CNTNAP2: variants seen among roughly 807,000 people sequenced by gnomAD.
CNTNAP2 encodes the protein contactin-associated protein-like 2.
Under a neutral mutation model 155.2 loss-of-function variants are expected in CNTNAP2, and 98 were observed. The ratio of observed to expected loss-of-function variants is 0.63; its 90% CI spans 0.54 to 0.75. CNTNAP2 has a LOEUF of 0.75. Ranked by LOEUF, CNTNAP2 falls within the 30% of genes least tolerant of loss-of-function variation. The probability of loss-of-function intolerance (pLI) is 0.00; values close to 1 mark genes in which losing one functional copy is unlikely to be tolerated. For synonymous variants in CNTNAP2, 651 were observed against 631.2 expected (o/e 1.03, Z -0.47); for missense variants, 1,727 against 1,688.1 (o/e 1.02, Z -0.40).
chr7:146,385,800 T>A (rs538431422), intron 1 of CNTNAP2, among the ~76,000 whole-genome samples: 2 of 152,318 alleles, frequency 1.3e-5, no homozygotes, highest in African/African-American at 4.8e-5. Flanking sequence ...ATGCTTACAG[T>A]AATGGGTTGT....
intron 3 of CNTNAP2, among the ~76,000 whole-genome samples, chr7:146,954,544 T>C (rs1797393222): frequency 6.6e-6 from 1 of 151,984 alleles, no homozygotes; most frequent in Non-Finnish European, 1.5e-5. Context: ...AGATTTCAAC[T>C]ATTGGAGCAG....
At chr7:146,461,041 A>G (rs1168758717) in intron 1 of CNTNAP2, among the ~76,000 whole-genome samples, 1 of 152,206 alleles carries the variant, frequency 6.6e-6, no homozygotes, top group African/African-American at 2.4e-5. Flanking sequence ...TAATCATTTC[A>G]CAATGTACAC....
At chr7:146,711,282 A>G (rs1314036665) in intron 1 of CNTNAP2, among the ~76,000 whole-genome samples, 1 of 146,874 alleles carries the variant, frequency 6.8e-6, no homozygotes, top group African/African-American at 2.5e-5. Context: ...TATATAATAG[A>G]AAACATAAAC....
At chr7:148,139,038 T>C (rs953454374) in intron 16 of CNTNAP2, among the ~76,000 whole-genome samples, 1 of 152,208 alleles carries the variant, frequency 6.6e-6, no homozygotes, top group African/African-American at 2.4e-5. Flanking sequence ...TGGATGTCTT[T>C]GTTTGTGAAG....
At chr7:147,081,047 G>C (rs944701826) in intron 4 of CNTNAP2, 11 of 151,996 alleles carry the variant, frequency 7.2e-5, no homozygotes, top group African/African-American at 2.7e-4. Context: ...TCCTGATCCT[G>C]TCTTAAGGAG....
intron 8 of CNTNAP2, among the ~76,000 whole-genome samples, chr7:147,231,140 G>C (rs1803672283): frequency 6.6e-6 from 1 of 152,208 alleles, no homozygotes; most frequent in Admixed American, 6.5e-5. Flanking sequence ...AATGAGAAAA[G>C]CATGGGGGAT....
At chr7:146,331,075 C>T (rs1017068139) in intron 1 of CNTNAP2, among the ~76,000 whole-genome samples, 5 of 152,076 alleles carry the variant, frequency 3.3e-5, no homozygotes, top group African/African-American at 7.2e-5. Context: ...GAGGCCGAGT[C>T]GGGCGGATCA....
At chr7:146,905,377 A>T (rs752082303) in intron 3 of CNTNAP2, among the ~76,000 whole-genome samples, 4 of 152,012 alleles carry the variant, frequency 2.6e-5, no homozygotes, top group Non-Finnish European at 4.4e-5. Context: ...CCACATTCTC[A>T]TCACCTCACC....
Position 147,069,587 on chromosome 7 carries a change from G to C in CNTNAP2, c.550+25533G>C, listed in dbSNP as rs181414326. Among the ~76,000 whole-genome samples, 331 of 152,310 alleles carry C rather than the reference G, an allele frequency of 2.2e-3. 1 individual carries two copies. Among genetic ancestry groups the C allele is most frequent in the African/African-American group, 7.8e-3 (323 of 41,560 alleles). ...GACAGTAAGAAAGCAGTTGGTAGGG[G>C]AGGGAAGAGGTCACATAAATAATGG... On this transcript the variant is annotated intron_variant, in intron 4 of 23. Coordinates refer to ENST00000361727, the MANE Select transcript of CNTNAP2 (RefSeq NM_014141.6).
chr7:146,986,739 T>C (rs1798121326), intron 3 of CNTNAP2, among the ~76,000 whole-genome samples: 1 of 152,120 alleles, frequency 6.6e-6, no homozygotes, highest in Non-Finnish European at 1.5e-5. Context: ...TTGATTTGCG[T>C]TTGATTTGCA....
chr7:146,836,993 C>T (rs1228340969), intron 2 of CNTNAP2, among the ~76,000 whole-genome samples: 1 of 152,006 alleles, frequency 6.6e-6, no homozygotes, highest in East Asian at 1.9e-4. Flanking sequence ...CTCTGAATAC[C>T]TTTAAGATTT....
At chr7:147,497,729 G>A (rs181517158) in intron 11 of CNTNAP2, among the ~76,000 whole-genome samples, 128 of 152,246 alleles carry the variant, frequency 8.4e-4, no homozygotes, top group Non-Finnish European at 1.7e-3. Flanking sequence ...CTCAGAAAAT[G>A]AGCTCCTCTA....
intron 14 of CNTNAP2, among the ~76,000 whole-genome samples, chr7:147,965,750 A>G (rs930579509): frequency 5.3e-5 from 8 of 152,028 alleles, no homozygotes; most frequent in African/African-American, 1.9e-4. Flanking sequence ...CAGTGCTCTC[A>G]AGGCTCTTTC....
chr7:146,937,486 T>C (rs1796944260), intron 3 of CNTNAP2, among the ~76,000 whole-genome samples: 1 of 152,224 alleles, frequency 6.6e-6, no homozygotes, highest in Admixed American at 6.5e-5. Context: ...AGGATTTCTT[T>C]ATTTCTGTTA....
chr7:146,216,213 G>A (rs1198986520), intron 1 of CNTNAP2, among the ~76,000 whole-genome samples: 1 of 152,176 alleles, frequency 6.6e-6, no homozygotes, highest in Non-Finnish European at 1.5e-5. Context: ...AGGAAAAGAA[G>A]CCAAGAAGCC....
At chr7:146,749,565 A>G (rs976678695) in intron 1 of CNTNAP2, among the ~76,000 whole-genome samples, 12 of 152,210 alleles carry the variant, frequency 7.9e-5, no homozygotes, top group African/African-American at 2.9e-4. Context: ...TTAGGCAGCC[A>G]AAAAATGACT....
At chr7:147,816,497 T>C (rs999298506) in intron 13 of CNTNAP2, among the ~76,000 whole-genome samples, 1 of 152,076 alleles carries the variant, frequency 6.6e-6, no homozygotes, top group Admixed American at 6.6e-5. Flanking sequence ...GGATTTGAGA[T>C]TGGAATTATT....
intron 2 of CNTNAP2, among the ~76,000 whole-genome samples, chr7:146,828,136 T>C (rs912651133): frequency 6.6e-6 from 1 of 152,080 alleles, no homozygotes; most frequent in African/African-American, 2.4e-5. Flanking sequence ...AGACGTGCTC[T>C]ACAAATATTT....
chr7:147,327,681 A>AT, intron 9 of CNTNAP2, among the ~76,000 whole-genome samples: 1 of 152,116 alleles, frequency 6.6e-6, no homozygotes, highest in East Asian at 1.9e-4. Context: ...TCCTCATGTT[A>AT]TTTATAAGAA....
Sources: gnomAD v4.1 joint callset for allele counts (sites outside exome capture counted in the v4.1 genomes callset) on GRCh38, gnomAD v4.1.1 for gene constraint, MANE v1.5 for transcripts, NCBI Gene and HGNC (gene_info 2026-07-23, HGNC 2026-07-21) for gene names.